Variants in RGS7 observed in about 807,000 individuals in gnomAD.
RGS7 encodes regulator of G protein signaling 7.
In RGS7, 27 loss-of-function variants were observed where a neutral mutation model predicts 81.1. The ratio of observed to expected loss-of-function variants is 0.33; its 90% confidence interval spans 0.25 to 0.46. The LOEUF (loss-of-function observed/expected upper bound fraction) is 0.46. RGS7 is among the 20% of genes least tolerant of loss of function. The pLI, the probability that RGS7 is intolerant of heterozygous loss-of-function variation, is 1.00. For synonymous variants in RGS7, 208 were observed against 207.7 expected (o/e 1.00, Z -0.01); for missense variants, 396 against 607.4 (o/e 0.65, Z 3.66).
At chr1:241,280,303 C>G (rs927465214) in intron 2 of RGS7, among the ~76,000 whole-genome samples, 1 of 152,234 alleles carries the variant, frequency 6.6e-6, no homozygotes, top group Non-Finnish European at 1.5e-5. Context: ...CCTCCAGAGG[C>G]CAGAAGAGGG....
At chr1:241,333,543 T>C (rs1381163313) in intron 2 of RGS7, among the ~76,000 whole-genome samples, 2 of 152,170 alleles carry the variant, frequency 1.3e-5, no homozygotes, top group Non-Finnish European at 2.9e-5. Context: ...TCATCTACCA[T>C]ATACAATGAG....
chr1:240,893,317 T>TA (rs1558425496), intron 6 of RGS7, among the ~76,000 whole-genome samples: 1 of 152,216 alleles, frequency 6.6e-6, no homozygotes, highest in African/African-American at 2.4e-5. Context: ...AATCCATTAA[T>TA]AATGAATAGT....
chr1:241,030,696 T>C (rs2060044041), intron 3 of RGS7, among the ~76,000 whole-genome samples: 1 of 152,144 alleles, frequency 6.6e-6, no homozygotes, highest in South Asian at 2.1e-4. Flanking sequence ...CCCTGGACTA[T>C]ACCACTGCAA....
At chr1:240,940,898 T>C (rs12063592) in intron 4 of RGS7, among the ~76,000 whole-genome samples, 17,654 of 152,218 alleles carry the variant, frequency 0.12, 2,260 homozygotes, top group African/African-American at 0.32. Flanking sequence ...AAAGTGTATG[T>C]TGGCAGGTTC....
At chr1:241,276,894 G>A (rs777737505) in intron 2 of RGS7, among the ~76,000 whole-genome samples, 17 of 152,056 alleles carry the variant, frequency 1.1e-4, no homozygotes, top group African/African-American at 3.1e-4. Context: ...TAGTACAGGC[G>A]ACAGTTAAAA....
intron 3 of RGS7, among the ~76,000 whole-genome samples, chr1:241,047,922 T>G (rs570164006): frequency 3.3e-5 from 5 of 151,992 alleles, no homozygotes; most frequent in Non-Finnish European, 7.4e-5. Flanking sequence ...GTATTTTTAG[T>G]AGAGATGGGG....
At chr1:241,343,718 T>C (rs1351934869) in intron 2 of RGS7, among the ~76,000 whole-genome samples, 1 of 152,138 alleles carries the variant, frequency 6.6e-6, no homozygotes, top group Non-Finnish European at 1.5e-5. Context: ...GAAATTATTG[T>C]CCAACAGGTG....
chr1:240,908,835 T>C (rs1390940486), intron 6 of RGS7, among the ~76,000 whole-genome samples: 1 of 152,180 alleles, frequency 6.6e-6, no homozygotes, highest in African/African-American at 2.4e-5. Flanking sequence ...AATCTGTGAT[T>C]CTCAAAGAAA....
chr1:241,156,734 C>T (rs1165917007), intron 2 of RGS7, among the ~76,000 whole-genome samples: 1 of 152,144 alleles, frequency 6.6e-6, no homozygotes, highest in East Asian at 1.9e-4. Context: ...CACACAAGGT[C>T]ACACCCCTTC....
intron 2 of RGS7, among the ~76,000 whole-genome samples, chr1:241,127,585 T>C (rs1278248074): frequency 6.6e-6 from 1 of 152,026 alleles, no homozygotes; most frequent in Non-Finnish European, 1.5e-5. Flanking sequence ...GAGATATACC[T>C]AATGCTAAAT....
At chr1:241,034,796 A>G (rs910442203) in intron 3 of RGS7, among the ~76,000 whole-genome samples, 11 of 152,186 alleles carry the variant, frequency 7.2e-5, no homozygotes, top group Non-Finnish European at 1.0e-4. Context: ...GCGCCATCAT[A>G]CTAATGTTAA....
chr1:241,125,002 C>T (rs1333719688), intron 2 of RGS7, among the ~76,000 whole-genome samples: 1 of 152,216 alleles, frequency 6.6e-6, no homozygotes, highest in Non-Finnish European at 1.5e-5. Flanking sequence ...GAAAATACTA[C>T]TTGGGATGGC....
intron 3 of RGS7, among the ~76,000 whole-genome samples, chr1:241,095,551 A>T (rs2064187365): frequency 6.6e-6 from 1 of 152,174 alleles, no homozygotes; most frequent in South Asian, 2.1e-4. Flanking sequence ...GCTACTTGGG[A>T]TGCTGAGGCA....
intron 4 of RGS7, among the ~76,000 whole-genome samples, chr1:240,981,324 CTG>C (rs1417730985): frequency 6.6e-6 from 1 of 152,092 alleles, no homozygotes; most frequent in Non-Finnish European, 1.5e-5. Context: ...ATTGGCCAGG[CTG>C]GTCTCGAACT....
At chr1:241,064,336 A>G (rs1273308829) in intron 3 of RGS7, among the ~76,000 whole-genome samples, 2 of 151,604 alleles carry the variant, frequency 1.3e-5, no homozygotes, top group African/African-American at 2.4e-5. Flanking sequence ...CGGTAATCCC[A>G]GCACTTTGGG....
rs575248391 is a variant in RGS7 at position 240,874,401 on chromosome 1, G to C, written c.386-4282C>G. ...TGAACTGAGGCCTCTGATCCTCCTG[G>C]GGCTGGAGTGTAGGAGAGGAAAGGG... On this transcript the variant is annotated intron_variant, in intron 6 of 18. Coordinates refer to ENST00000440928, the MANE Select transcript of RGS7 (RefSeq NM_001364886.1). 4.6e-5 allele frequency among the ~76,000 whole-genome samples: 7 copies of C among 151,916 alleles called. No homozygotes were observed. In the South Asian group the frequency reaches 1.3e-3, roughly 27 times the overall value.
chr1:241,164,968 A>C lies in RGS7; in HGVS notation c.79-66206T>G, dbSNP rs1430609008. Among the ~76,000 whole-genome samples, 3 of 152,166 alleles carry C rather than the reference A, an allele frequency of 2.0e-5. No homozygotes were observed. Among genetic ancestry groups the C allele is most frequent in the Non-Finnish European group, 4.4e-5 (3 of 68,030 alleles). Reference sequence around the variant, plus strand: ...TCATTCACATGCTGTCATATCCATCACATTTCCAACTCATTCCAAGCAAAT... The same window carrying C: ...TCATTCACATGCTGTCATATCCATCCCATTTCCAACTCATTCCAAGCAAAT... On this transcript the variant is annotated intron_variant, in intron 2 of 18. Transcript: ENST00000440928. The surrounding 1 kb of genome is among the most constrained non-coding windows in gnomAD (Gnocchi z 4.1).
chr1:240,860,649 G>A lies in RGS7; in HGVS notation c.609+7938C>T, dbSNP rs549119553. Among the ~76,000 whole-genome samples the A allele has an allele frequency of 7.2e-5, 11 of 152,210 alleles. No homozygotes were observed. In the South Asian group the frequency reaches 1.0e-3, roughly 14 times the overall value. ...AATTTATTTGAAGAAAAATAGATAC[G>A]TAGGGACATTTATGGGACTACAGGC... is the stretch of plus-strand genomic sequence containing the variant. On this transcript the variant is annotated intron_variant, in intron 9 of 18. Coordinates refer to ENST00000440928, the MANE Select transcript of RGS7 (RefSeq NM_001364886.1).
At chr1:241,020,062 G>A (rs1319108322) in intron 3 of RGS7, among the ~76,000 whole-genome samples, 1 of 152,194 alleles carries the variant, frequency 6.6e-6, no homozygotes, top group African/African-American at 2.4e-5. Flanking sequence ...CTGTGAGAAT[G>A]TTAGCAAGTT....
Sources: gnomAD v4.1 joint callset for allele counts (sites outside exome capture counted in the v4.1 genomes callset) on GRCh38, gnomAD v4.1.1 for gene constraint, Gnocchi (gnomAD v3.1) non-coding constraint, MANE v1.5 for transcripts, NCBI Gene and HGNC (gene_info 2026-07-23, HGNC 2026-07-21) for gene names.